ARHGAP17: variants seen among roughly 807,000 people sequenced by gnomAD.
ARHGAP17 encodes the protein rho GTPase-activating protein 17.
ARHGAP17 carries 57 observed loss-of-function variants against 99.5 expected under a neutral mutation model. The ratio of observed to expected loss-of-function variants is 0.57; its 90% CI spans 0.46 to 0.71. The LOEUF (loss-of-function observed/expected upper bound fraction) is 0.71. Among genes scored for constraint, ARHGAP17 ranks in the 30% least tolerant of loss-of-function variants. The pLI is 0.00. For missense variants in ARHGAP17, 1,000 were observed against 1,122.4 expected (o/e 0.89, Z 1.56); for synonymous variants, 417 against 429.6 (o/e 0.97, Z 0.36).
chr16:25,012,016 TG>T (rs1392841121), intron 1 of ARHGAP17, among the ~76,000 whole-genome samples: 2 of 152,306 alleles, frequency 1.3e-5, no homozygotes, highest in African/African-American at 4.8e-5. Flanking sequence ...AATTATTTTT[TG>T]CCTGCCTACC....
At chr16:25,004,296 A>G (rs1447898863) in intron 1 of ARHGAP17, among the ~76,000 whole-genome samples, 1 of 152,172 alleles carries the variant, frequency 6.6e-6, no homozygotes, top group Non-Finnish European at 1.5e-5. Flanking sequence ...CTCACGTTAC[A>G]TGCCCAGCGG....
chr16:24,920,342 A>T, intron 19 of ARHGAP17, 82 bp from the exon 20 acceptor site: 1 of 1,555,310 alleles, frequency 6.4e-7, no homozygotes. Flanking sequence ...AGAAGAAGAG[A>T]GGCTGGGAAG....
chr16:24,991,361 C>G (rs1386483926), intron 1 of ARHGAP17, among the ~76,000 whole-genome samples: 1 of 152,280 alleles, frequency 6.6e-6, no homozygotes, highest in East Asian at 1.9e-4. Flanking sequence ...AGAATTACAA[C>G]AAATAATAAC....
intron 1 of ARHGAP17, among the ~76,000 whole-genome samples, chr16:24,990,017 A>G (rs1163989373): frequency 6.6e-6 from 1 of 152,250 alleles, no homozygotes; most frequent in African/African-American, 2.4e-5. Flanking sequence ...AGGATTTTGA[A>G]TGTTCACAAT....
Position 24,919,899 on chromosome 16 carries a change from T to C in ARHGAP17, c.*231A>G. ...TTTGTTTTGGATTTTTTTGGCATGA[T>C]TTCCTTCCCATGTAAAGAAAGCCAA... On this transcript the variant is annotated 3_prime_UTR_variant, in exon 20 of 20. Transcript: ENST00000289968. The C allele has an allele frequency of 4.3e-6, 2 of 469,124 alleles. No homozygotes were observed. Among genetic ancestry groups the C allele is most frequent in the Non-Finnish European group, 7.0e-6 (2 of 284,220 alleles). The allele number at this position is 469,124 out of a possible 1,614,324, so 29.1% of individuals were successfully genotyped here.
chr16:24,941,048 T>C (rs1376791064), intron 16 of ARHGAP17, among the ~76,000 whole-genome samples: 1 of 152,152 alleles, frequency 6.6e-6, no homozygotes, highest in East Asian at 1.9e-4. Context: ...TGAATGAGGG[T>C]TCAGAGAGGT....
chr16:24,989,048 A>T (rs2052956411), intron 1 of ARHGAP17, among the ~76,000 whole-genome samples: 2 of 152,262 alleles, frequency 1.3e-5, no homozygotes, highest in African/African-American at 2.4e-5. Context: ...GGAGCTCAGG[A>T]GGAGTCCAGT....
At chr16:25,007,867 CACT>C (rs2141522953) in intron 1 of ARHGAP17, among the ~76,000 whole-genome samples, 1 of 152,238 alleles carries the variant, frequency 6.6e-6, no homozygotes, top group Non-Finnish European at 1.5e-5. Context: ...GATGTAGCTT[CACT>C]ACTCCCACGT....
At position 24,992,460 on chromosome 16, in the gene ARHGAP17, C is replaced by T. The variant is rs984670617; in HGVS notation, c.54-13455G>A. Among the ~76,000 whole-genome samples, 7 of 152,186 alleles carry T rather than the reference C, an allele frequency of 4.6e-5. No individual in the cohort carries two copies. In the East Asian group the frequency reaches 1.2e-3, roughly 25 times the overall value. ...AAGAGATTCTTGTGCCTCAGCCTCC[C>T]GAGTAGCTGGGACTACAGGCGCACG... On this transcript the variant is annotated intron_variant, in intron 1 of 19. Coordinates refer to ENST00000289968, the MANE Select transcript of ARHGAP17 (RefSeq NM_001006634.3).
intron 19 of ARHGAP17, among the ~76,000 whole-genome samples, chr16:24,924,829 T>C (rs2050800278): frequency 6.6e-6 from 1 of 151,626 alleles, no homozygotes. Context: ...CACCACTGCA[T>C]TCCATTCTGA....
chr16:25,000,021 C>A (rs750202659), intron 1 of ARHGAP17, among the ~76,000 whole-genome samples: 1 of 152,050 alleles, frequency 6.6e-6, no homozygotes, highest in African/African-American at 2.4e-5. Flanking sequence ...CCGTTTCTCA[C>A]GTATAGGAAC....
At chr16:24,982,376 A>G (rs1448690429) in intron 1 of ARHGAP17, among the ~76,000 whole-genome samples, 2 of 152,078 alleles carry the variant, frequency 1.3e-5, no homozygotes, top group African/African-American at 2.4e-5. Context: ...TGCACTCCAG[A>G]CTAGGCAACA....
In ARHGAP17 at chr16:24,968,727, G is replaced by A. The variant is rs1217838619; in HGVS notation, c.318C>T (p.Leu106=). The part of the protein sequence containing the change: ...TCGDAENQLA[L]ELSQHEVFVE... ...CAAAGACTTCGTGCTGGGAGAGCTC[G>A]AGAGCCAGCTGATTCTCAGCATCTC... is the stretch of plus-strand genomic sequence containing the variant. Residue 106 remains leucine (L), a synonymous_variant, in exon 5 of 20, where the codon CTC becomes CTT. Coordinates refer to ENST00000289968, the MANE Select transcript of ARHGAP17 (RefSeq NM_001006634.3). 3.1e-6 allele frequency: 5 copies of A among 1,614,050 alleles called. No homozygotes were observed. The highest frequency in any genetic ancestry group is 2.2e-5 in the East Asian group (1 of 44,894).
intron 15 of ARHGAP17, among the ~76,000 whole-genome samples, chr16:24,942,929 G>T (rs1597382169): frequency 6.6e-6 from 1 of 152,212 alleles, no homozygotes; most frequent in African/African-American, 2.4e-5. Flanking sequence ...CATCCTCACT[G>T]GGCAACCTAT....
At chr16:24,947,442 G>A (rs766634283) in intron 14 of ARHGAP17, 40 bp downstream of exon 14, 1 of 1,536,568 alleles carries the variant, frequency 6.5e-7, no homozygotes. Context: ...CATCAGGTGG[G>A]AAAGAAGAAA....
intron 1 of ARHGAP17, among the ~76,000 whole-genome samples, chr16:24,998,087 G>A (rs1249896946): frequency 6.6e-6 from 1 of 151,948 alleles, no homozygotes; most frequent in African/African-American, 2.4e-5. Context: ...CCCAGGGAGG[G>A]CAGGGAAGAA....
At chr16:24,941,782 C>T (rs1054945847) in intron 16 of ARHGAP17, 21 of 639,906 alleles carry the variant, frequency 3.3e-5, no homozygotes, top group African/African-American at 1.8e-4. Context: ...GTGGAAGAAA[C>T]GTTAACTGAG....
At chr16:24,923,737 A>AG in intron 19 of ARHGAP17, among the ~76,000 whole-genome samples, 1 of 151,332 alleles carries the variant, frequency 6.6e-6, no homozygotes, top group East Asian at 1.9e-4. Flanking sequence ...TAAAAAAAAA[A>AG]AAAAAAAAAA....
chr16:24,977,432 G>T, intron 2 of ARHGAP17, 113 bp from the exon 3 acceptor site: 1 of 770,086 alleles, frequency 1.3e-6, no homozygotes. Flanking sequence ...GATGATCTTG[G>T]CTACACCTTG....
Sources: gnomAD v4.1 joint callset for allele counts (sites outside exome capture counted in the v4.1 genomes callset) on GRCh38, gnomAD v4.1.1 for gene constraint, MANE v1.5 for transcripts, NCBI Gene and HGNC (gene_info 2026-07-23, HGNC 2026-07-21) for gene names.